Variants in RGS6 observed in about 807,000 individuals in gnomAD.
RGS6 encodes regulator of G-protein signaling 6.
A neutral mutation model predicts 78.5 loss-of-function variants in RGS6; 30 were observed. That is an observed-to-expected ratio of 0.38 (90% CI 0.29 to 0.52). RGS6 has a LOEUF of 0.52. RGS6 is among the 20% of genes least tolerant of loss of function. The probability of loss-of-function intolerance (pLI) is 0.85; values close to 1 mark genes in which losing one functional copy is unlikely to be tolerated. For missense variants in RGS6, 495 were observed against 609.7 expected (o/e 0.81, Z 1.98); for synonymous variants, 206 against 206.0 (o/e 1.00, Z 0.00).
chr14:72,562,076 T>A (rs116184243), intron 17 of RGS6, among the ~76,000 whole-genome samples: 3 of 152,162 alleles, frequency 2.0e-5, no homozygotes, highest in African/African-American at 7.2e-5. Flanking sequence ...AAAATCAATT[T>A]CAGGGCAGCC....
chr14:72,224,891 T>TATG (rs1419981544), intron 2 of RGS6, among the ~76,000 whole-genome samples: 15 of 152,108 alleles, frequency 9.9e-5, no homozygotes, highest in Non-Finnish European at 2.2e-4. Flanking sequence ...GGCCATGGTT[T>TATG]GTGTGGGAAA....
At chr14:71,950,663 A>G (rs1263866449) in intron 1 of RGS6, among the ~76,000 whole-genome samples, 2 of 152,220 alleles carry the variant, frequency 1.3e-5, no homozygotes, top group African/African-American at 4.8e-5. Flanking sequence ...TTTGCAACCT[A>G]TCCACCTGAC....
Position 72,109,623 on chromosome 14 carries a change from A to G in RGS6, c.84+144748A>G, listed in dbSNP as rs150992980. On this transcript the variant is annotated intron_variant, in intron 2 of 17. Coordinates refer to ENST00000553525, the MANE Select transcript of RGS6 (RefSeq NM_001204424.2). Reference sequence around the variant, plus strand: ...CAATTACAGAGCAAAATAGATGACAATACAGAAATAAACATGGTCTGGAGT... The same window carrying G: ...CAATTACAGAGCAAAATAGATGACAGTACAGAAATAAACATGGTCTGGAGT... Among the ~76,000 whole-genome samples the G allele has an allele frequency of 1.3e-3, 199 of 152,328 alleles. 2 individuals carry two copies. The East Asian group carries it at 0.022, about 17-fold the overall frequency.
rs141994460 is a variant in RGS6, at chr14:72,381,631, A to C, written c.184+29437A>C. 6.6e-3 allele frequency among the ~76,000 whole-genome samples: 1,006 copies of C among 152,248 alleles called. 3 individuals carry two copies. The highest frequency in any genetic ancestry group is 0.014 in the Middle Eastern group (4 of 294). ...AAGAGCAAAATTATCATGCAAAAGA[A>C]GTGAAAGGAATGTATCACTACCCTA... On this transcript the variant is annotated intron_variant, in intron 3 of 17. Transcript: ENST00000553525.
chr14:72,331,536 C>A (rs764821301), intron 2 of RGS6, among the ~76,000 whole-genome samples: 1 of 152,150 alleles, frequency 6.6e-6, no homozygotes, highest in Admixed American at 6.5e-5. Flanking sequence ...TGGTGTCGGC[C>A]GGGAGCTGCC....
chr14:72,577,320 C>T, the RGS6 span, among the ~76,000 whole-genome samples: 1 of 152,214 alleles, frequency 6.6e-6, no homozygotes, highest in Non-Finnish European at 1.5e-5. Flanking sequence ...GGATGGCCCA[C>T]TATGGCTGAA....
At chr14:72,165,214 G>A (rs754819217) in intron 2 of RGS6, among the ~76,000 whole-genome samples, 5 of 152,228 alleles carry the variant, frequency 3.3e-5, no homozygotes, top group African/African-American at 4.8e-5. Flanking sequence ...AGCATAATGC[G>A]TATGTGCAGT....
At chr14:72,475,486 T>C (rs1481516894) in intron 10 of RGS6, among the ~76,000 whole-genome samples, 3 of 152,000 alleles carry the variant, frequency 2.0e-5, no homozygotes, top group African/African-American at 7.2e-5. Context: ...ATCCCAACAC[T>C]TGGGAGGCCG....
chr14:72,258,735 G>T (rs1345968835), intron 2 of RGS6, among the ~76,000 whole-genome samples: 2 of 152,166 alleles, frequency 1.3e-5, no homozygotes, highest in South Asian at 4.1e-4. Flanking sequence ...TTGTTGTGAA[G>T]ATTATACTCT....
intron 2 of RGS6, among the ~76,000 whole-genome samples, chr14:72,169,886 C>A (rs149665): frequency 0.35 from 52,990 of 151,956 alleles, 9,434 homozygotes; most frequent in East Asian, 0.46. Flanking sequence ...GTAGGGAATC[C>A]GAATCTGCAT....
chr14:72,576,012 A>C, the RGS6 span, among the ~76,000 whole-genome samples: 1 of 152,330 alleles, frequency 6.6e-6, no homozygotes, highest in South Asian at 2.1e-4. Flanking sequence ...ATCTTGTAGA[A>C]CTGCCTCACA....
At chr14:72,178,899 A>C (rs1164845096) in intron 2 of RGS6, among the ~76,000 whole-genome samples, 1 of 152,262 alleles carries the variant, frequency 6.6e-6, no homozygotes, top group Non-Finnish European at 1.5e-5. Context: ...ATCCAGAAAG[A>C]ACTGATGTTA....
intron 3 of RGS6, among the ~76,000 whole-genome samples, chr14:72,392,818 G>C (rs2090330730): frequency 6.6e-6 from 1 of 152,048 alleles, no homozygotes; most frequent in Admixed American, 6.6e-5. Context: ...TGGTCTCCAG[G>C]GTCAAGTGTG....
chr14:72,200,897 G>A (rs2153736213), intron 2 of RGS6, among the ~76,000 whole-genome samples: 1 of 150,862 alleles, frequency 6.6e-6, no homozygotes, highest in African/African-American at 2.4e-5. Context: ...AAAGGATGAG[G>A]GGGGTTGGTA....
intron 3 of RGS6, among the ~76,000 whole-genome samples, chr14:72,406,044 T>C (rs1253758140): frequency 6.6e-6 from 1 of 152,090 alleles, no homozygotes; most frequent in African/African-American, 2.4e-5. Context: ...AAGGAGGATG[T>C]TTAGAGAAAA....
intron 2 of RGS6, among the ~76,000 whole-genome samples, chr14:72,334,569 G>T (rs1298887806): frequency 1.3e-5 from 2 of 152,216 alleles, no homozygotes; most frequent in Non-Finnish European, 2.9e-5. Context: ...GAGGCACTCA[G>T]AATTCAGGGA....
chr14:72,562,961 T>C lies in RGS6; in HGVS notation c.*494T>C. The C allele has an allele frequency of 1.6e-6, 1 of 613,726 alleles. No homozygotes were observed. The highest frequency in any genetic ancestry group is 2.9e-6 in the Non-Finnish European group (1 of 340,860). The allele number at this position is 613,726 out of a possible 1,614,324, so 38.0% of individuals were successfully genotyped here. A position where few individuals can be genotyped will look rare whatever the true frequency, so the allele number is the denominator to read the frequency against. ...CAGCCACTACATCCCCACCGCCGCC[T>C]GTCATCCCTCACGTCTCTGTGGCCA... On this transcript the variant is annotated 3_prime_UTR_variant, in exon 18 of 18. Coordinates refer to ENST00000553525, the MANE Select transcript of RGS6 (RefSeq NM_001204424.2).
chr14:72,320,752 T>C (rs2071731174), intron 2 of RGS6, among the ~76,000 whole-genome samples: 1 of 151,126 alleles, frequency 6.6e-6, no homozygotes, highest in Non-Finnish European at 1.5e-5. Flanking sequence ...AAAACTAAGC[T>C]CTGAATGTTC....
the RGS6 span, among the ~76,000 whole-genome samples, chr14:72,613,941 C>A: frequency 9.9e-5 from 15 of 152,148 alleles, no homozygotes; most frequent in Non-Finnish European, 1.3e-4. Flanking sequence ...GGGTGCCCAG[C>A]AGGAAGCACC....
Sources: gnomAD v4.1 joint callset for allele counts (sites outside exome capture counted in the v4.1 genomes callset) on GRCh38, gnomAD v4.1.1 for gene constraint, MANE v1.5 for transcripts, NCBI Gene and HGNC (gene_info 2026-07-23, HGNC 2026-07-21) for gene names.